The following TIAM1 variants were observed in gnomAD, a reference collection of about 807,000 sequenced individuals.
The protein encoded by TIAM1 is TIAM Rac1 associated GEF 1, also known as rho guanine nucleotide exchange factor TIAM1.
A neutral mutation model predicts 163.5 loss-of-function variants in TIAM1; 65 were observed. The observed-to-expected ratio is 0.40, with a 90% CI of 0.33 to 0.49. The LOEUF (loss-of-function observed/expected upper bound fraction) is 0.49, where lower values mean the gene tolerates loss of function less well. Ranked by LOEUF, TIAM1 falls within the 20% of genes least tolerant of loss-of-function variation. The pLI is 0.77. For missense variants in TIAM1, 1,789 were observed against 2,044.7 expected (o/e 0.87, Z 2.41); for synonymous variants, 833 against 810.1 (o/e 1.03, Z -0.48).
At chr21:31,525,384 AT>A (rs905228531) in intron 1 of TIAM1, among the ~76,000 whole-genome samples, 63 of 151,618 alleles carry the variant, frequency 4.2e-4, no homozygotes, top group African/African-American at 1.5e-3. Flanking sequence ...AAAAAAAAAA[AT>A]CAGATCTGAC....
chr21:31,128,081 A>C (rs1385665910), intron 25 of TIAM1, among the ~76,000 whole-genome samples: 2 of 152,238 alleles, frequency 1.3e-5, no homozygotes, highest in Non-Finnish European at 2.9e-5. Context: ...TTGTGAAAGG[A>C]ACAATTCACT....
At chr21:31,267,516 A>ATT (rs34794925) in intron 3 of TIAM1, among the ~76,000 whole-genome samples, 3,943 of 137,938 alleles carry the variant, frequency 0.029, 174 homozygotes, top group African/African-American at 0.084. Context: ...TCGTTTTTTC[A>ATT]TTTTTTTTTT....
chr21:31,390,004 T>G (rs2076941485), intron 2 of TIAM1, among the ~76,000 whole-genome samples: 1 of 152,198 alleles, frequency 6.6e-6, no homozygotes, highest in Non-Finnish European at 1.5e-5. Context: ...CTTTTCAGTA[T>G]GGCTTCCTCA....
Position 31,120,562 on chromosome 21 carries a change from G to A in TIAM1, c.4582C>T (p.Leu1528Phe), listed in dbSNP as rs2081962270. 6.2e-7 allele frequency: 1 copy of A among 1,614,066 alleles called. No individual in the cohort carries two copies. The highest frequency in any genetic ancestry group is 1.3e-5 in the African/African-American group (1 of 74,928). The change falls in exon 28 of 28, where the codon CTT (leucine) becomes TTT (phenylalanine). Residue 1528 changes from leucine (L) to phenylalanine (F), a missense_variant. This residue lies in a region of TIAM1 where 415 missense variants were observed against 439.2 expected (regional missense o/e 0.94). Transcript: ENST00000541036. This position sits in a 1 kb window ranked among gnomAD's most constrained non-coding sequence, Gnocchi z 4.2. ...ASVDRDLQERLQATSISQRER... is the reference protein window; with the variant it reads ...ASVDRDLQERFQATSISQRER... ...CGCTGACTGATGGAGGTGGCCTGAA[G>A]CCGCTCCTGCAGGTCTCTGTCCACT... is the stretch of plus-strand genomic sequence containing the variant.
intron 2 of TIAM1, among the ~76,000 whole-genome samples, chr21:31,278,317 T>G (rs2073394849): frequency 6.6e-6 from 1 of 152,204 alleles, no homozygotes; most frequent in Admixed American, 6.5e-5. Flanking sequence ...CAATTTAACA[T>G]GGAAAATCAA....
At chr21:31,292,972 C>T (rs1032492023) in intron 2 of TIAM1, among the ~76,000 whole-genome samples, 6 of 152,248 alleles carry the variant, frequency 3.9e-5, no homozygotes, top group South Asian at 4.1e-4. Flanking sequence ...TACAGGCGCC[C>T]GCCACCATGC....
chr21:31,337,587 G>A (rs949080262), intron 2 of TIAM1, among the ~76,000 whole-genome samples: 1 of 150,536 alleles, frequency 6.6e-6, no homozygotes, highest in South Asian at 2.1e-4. Flanking sequence ...GCTGGAGTGC[G>A]GTAGTGTGAT....
intron 2 of TIAM1, among the ~76,000 whole-genome samples, chr21:31,381,925 A>AC (rs1392855950): frequency 6.6e-6 from 1 of 152,116 alleles, no homozygotes; most frequent in Non-Finnish European, 1.5e-5. Context: ...CAAACCAGGA[A>AC]CCCAATCATC....
chr21:31,120,261 G>A lies in TIAM1; in HGVS notation c.*107C>T. Reference sequence around the variant, plus strand: ...ACCAAGTCAGCTGCCAAAACCGTGTGTGCAAGAGCGCGACCTAAGGGGACA... The same window carrying A: ...ACCAAGTCAGCTGCCAAAACCGTGTATGCAAGAGCGCGACCTAAGGGGACA... On this transcript the variant is annotated 3_prime_UTR_variant, in exon 28 of 28. Transcript: ENST00000541036. This position sits in a 1 kb window ranked among gnomAD's most constrained non-coding sequence, Gnocchi z 4.2. The A allele has an allele frequency of 8.4e-7, 1 of 1,191,482 alleles. No homozygotes were observed. Among genetic ancestry groups the A allele is most frequent in the African/African-American group, 1.5e-5 (1 of 64,938 alleles). 73.8% of individuals were successfully genotyped at this position (1,191,482 alleles called of 1,614,324 possible).
At chr21:31,437,594 T>C in intron 2 of TIAM1, among the ~76,000 whole-genome samples, 1 of 152,022 alleles carries the variant, frequency 6.6e-6, no homozygotes, top group South Asian at 2.1e-4. Flanking sequence ...TCCCCAATGT[T>C]GGAGAAAGGG....
chr21:31,380,343 A>G (rs1032685125), intron 2 of TIAM1, among the ~76,000 whole-genome samples: 2 of 152,172 alleles, frequency 1.3e-5, no homozygotes, highest in South Asian at 4.1e-4. Context: ...CAGGAGTTCG[A>G]GACCAGCCTG....
rs376604029 is a variant in TIAM1, at chr21:31,135,980, G to A, written c.3836C>T (p.Pro1279Leu). The change falls in exon 23 of 28, where the codon CCG becomes CTG. Residue 1279 changes from proline to leucine, a missense_variant. By Grantham distance (98) the Pro-to-Leu change is moderately conservative. Around this residue, in one of 5 missense-constraint regions of TIAM1, gnomAD observed 415 missense variants for 439.2 expected, o/e 0.94. Coordinates refer to ENST00000541036, the MANE Select transcript of TIAM1 (RefSeq NM_001353694.2). ...LHTTVIWLNP[P>L]ASLGKWKKEP... is the part of the protein sequence containing the mutation. ...CTTTTTCCACTTGCCCAGCGAGGCC[G>A]GCGGGTTCAGCCAGATCACGGTAGT... 23 of 1,614,028 alleles carry A rather than the reference G, an allele frequency of 1.4e-5. No homozygotes were observed. Among genetic ancestry groups the A allele is most frequent in the South Asian group, 2.2e-5 (2 of 91,086 alleles).
At chr21:31,490,975 A>C (rs772648063) in intron 1 of TIAM1, among the ~76,000 whole-genome samples, 1 of 152,158 alleles carries the variant, frequency 6.6e-6, no homozygotes, top group Admixed American at 6.5e-5. Context: ...AAATACAAAA[A>C]TTAGCCGGGC....
Position 31,334,535 on chromosome 21 carries a change from C to T in TIAM1, c.-189+4708G>A, listed in dbSNP as rs567385435. Among the ~76,000 whole-genome samples the T allele has an allele frequency of 1.6e-4, 24 of 152,354 alleles. No homozygotes were observed. In the South Asian group the frequency reaches 4.4e-3, roughly 28 times the overall value. ...AAATCCCACTGATAAGGGCACCTAA[C>T]TGCGCTATCTTGACTCTCCGGGGAT... On this transcript the variant is annotated intron_variant, in intron 2 of 27. Transcript: ENST00000541036.
chr21:31,378,933 C>T (rs2076733005), intron 2 of TIAM1, among the ~76,000 whole-genome samples: 1 of 151,992 alleles, frequency 6.6e-6, no homozygotes, highest in Non-Finnish European at 1.5e-5. Context: ...GGAGAATGTG[C>T]ATAGGTTTTG....
intron 6 of TIAM1, among the ~76,000 whole-genome samples, chr21:31,230,096 A>G (rs2083319340): frequency 6.6e-6 from 1 of 152,070 alleles, no homozygotes; most frequent in Admixed American, 6.6e-5. Context: ...CCATATCTTC[A>G]AGGCAAACCT....
At chr21:31,509,009 G>A (rs2047124193) in intron 1 of TIAM1, among the ~76,000 whole-genome samples, 1 of 152,164 alleles carries the variant, frequency 6.6e-6, no homozygotes, top group African/African-American at 2.4e-5. Context: ...CATGTCTAGA[G>A]AAGCCAGCAA....
chr21:31,337,311 G>C (rs1340699268), intron 2 of TIAM1, among the ~76,000 whole-genome samples: 1 of 151,930 alleles, frequency 6.6e-6, no homozygotes, highest in African/African-American at 2.4e-5. Context: ...TGCTAGGGAT[G>C]CCCTGGGGGT....
chr21:31,196,419 C>G (rs2085860925), intron 12 of TIAM1, among the ~76,000 whole-genome samples: 1 of 151,106 alleles, frequency 6.6e-6, no homozygotes, highest in African/African-American at 2.4e-5. Context: ...TCAAGCAATT[C>G]TCCTGCCTCA....
Sources: gnomAD v4.1 joint callset for allele counts (sites outside exome capture counted in the v4.1 genomes callset) on GRCh38, gnomAD v4.1.1 for gene constraint, gnomAD v4.1.1 regional missense constraint, Gnocchi (gnomAD v3.1) non-coding constraint, MANE v1.5 for transcripts, NCBI Gene and HGNC (gene_info 2026-07-23, HGNC 2026-07-21) for gene names.